The following DNAH14 variants were observed in gnomAD, a reference collection of about 807,000 sequenced individuals.
The protein encoded by DNAH14 is axonemal beta dynein heavy chain 14.
A neutral mutation model predicts 520.9 loss-of-function variants in DNAH14; 478 were observed. That is an observed-to-expected ratio of 0.92 (90% CI 0.85 to 0.99). The LOEUF (loss-of-function observed/expected upper bound fraction) is 0.99. Among genes scored for constraint, DNAH14 ranks in the 50% least tolerant of loss-of-function variants. The pLI is 0.00. For synonymous variants in DNAH14, 1,581 were observed against 1,757.2 expected (o/e 0.90, Z 2.51); for missense variants, 4,831 against 5,234.5 (o/e 0.92, Z 2.38).
chr1:225,051,332 TTAAAA>T (rs2068515846), intron 16 of DNAH14, 114 bp from the exon 17 acceptor site: 5 of 679,248 alleles, frequency 7.4e-6, no homozygotes, highest in Admixed American at 8.0e-5. Context: ...ATAGAGGTTC[TTAAAA>T]TAAACTCCAC....
intron 79 of DNAH14, among the ~76,000 whole-genome samples, chr1:225,377,729 A>G (rs2095719853): frequency 6.6e-6 from 1 of 152,206 alleles, no homozygotes; most frequent in Non-Finnish European, 1.5e-5. Context: ...ATGGTAAAGA[A>G]ACTAAATTCT....
At chr1:224,970,194 A>G (rs1275408933) in intron 7 of DNAH14, among the ~76,000 whole-genome samples, 1 of 151,988 alleles carries the variant, frequency 6.6e-6, no homozygotes, top group Non-Finnish European at 1.5e-5. Context: ...GGGCGGCTGT[A>G]TTTTATGGTC....
At chr1:224,953,276 C>A (rs1270211748) in intron 2 of DNAH14, among the ~76,000 whole-genome samples, 1 of 152,016 alleles carries the variant, frequency 6.6e-6, no homozygotes, top group Admixed American at 6.6e-5. Flanking sequence ...GTGCCCACTA[C>A]CACACCTGGC....
intron 41 of DNAH14, among the ~76,000 whole-genome samples, chr1:225,225,974 A>G (rs889898550): frequency 3.9e-5 from 6 of 152,328 alleles, no homozygotes; most frequent in Admixed American, 3.9e-4. Flanking sequence ...GATGCTGAAG[A>G]CAGCTCAGGA....
intron 10 of DNAH14, among the ~76,000 whole-genome samples, chr1:225,015,535 T>C (rs1297715537): frequency 6.6e-6 from 1 of 152,174 alleles, no homozygotes; most frequent in Non-Finnish European, 1.5e-5. Context: ...TTTAAGACTC[T>C]CCTGAGTATT....
At chr1:225,336,008 T>C (rs899251687) in intron 66 of DNAH14, among the ~76,000 whole-genome samples, 1 of 95,738 alleles carries the variant, frequency 1.0e-5, no homozygotes, top group Non-Finnish European at 2.4e-5. Context: ...CATATATGTA[T>C]ACGCATATAT....
rs570577401 is a variant in DNAH14 at position 225,045,913 on chromosome 1, A to G, written c.1912+1930A>G. ...ATTTTGCCCACTAATTCTAACATTTATCAGTGGATCTTACCTTGCCTGCAA... is the reference window on the plus strand; with the variant it reads ...ATTTTGCCCACTAATTCTAACATTTGTCAGTGGATCTTACCTTGCCTGCAA... On this transcript the variant is annotated intron_variant, in intron 15 of 85. Transcript: ENST00000682510. Among the ~76,000 whole-genome samples the G allele has an allele frequency of 3.9e-5, 6 of 152,214 alleles. No individual in the cohort carries two copies. In the South Asian group the frequency reaches 1.0e-3, roughly 26 times the overall value.
chr1:225,010,950 A>G (rs778108754), intron 10 of DNAH14, among the ~76,000 whole-genome samples: 60 of 150,368 alleles, frequency 4.0e-4, no homozygotes, highest in Non-Finnish European at 8.0e-4. Context: ...TCTCCCCTTC[A>G]TCATTTTTTA....
At chr1:225,177,202 CT>C (rs1351641994) in intron 36 of DNAH14, among the ~76,000 whole-genome samples, 1 of 152,168 alleles carries the variant, frequency 6.6e-6, no homozygotes, top group Admixed American at 6.5e-5. Context: ...CATTTTGCCC[CT>C]GCCCTAGAGA....
intron 23 of DNAH14, among the ~76,000 whole-genome samples, chr1:225,109,889 A>G (rs771522126): frequency 2.0e-5 from 3 of 151,782 alleles, no homozygotes; most frequent in African/African-American, 7.2e-5. Flanking sequence ...TGTTTCTTCT[A>G]TATTCAGTGT....
At chr1:225,260,439 G>A (rs1273892733) in intron 46 of DNAH14, among the ~76,000 whole-genome samples, 2 of 152,146 alleles carry the variant, frequency 1.3e-5, no homozygotes, top group African/African-American at 4.8e-5. Context: ...AATGAACACA[G>A]GAGTGCAGAA....
intron 1 of DNAH14, among the ~76,000 whole-genome samples, chr1:224,944,293 T>C (rs946182927): frequency 3.3e-5 from 5 of 152,212 alleles, no homozygotes; most frequent in Admixed American, 2.6e-4. Context: ...TTAAAGTCTA[T>C]TTTATCTGAG....
intron 1 of DNAH14, among the ~76,000 whole-genome samples, chr1:224,941,726 T>G (rs2059431989): frequency 6.6e-6 from 1 of 152,230 alleles, no homozygotes; most frequent in Non-Finnish European, 1.5e-5. Context: ...TTTCTACATA[T>G]GGCTAGCCAG....
chr1:225,342,185 A>T (rs74551602), intron 69 of DNAH14, among the ~76,000 whole-genome samples: 1 of 152,184 alleles, frequency 6.6e-6, no homozygotes, highest in African/African-American at 2.4e-5. Flanking sequence ...TAGTTTTTTT[A>T]AAAAGGCAAA....
rs939059557 is a variant in DNAH14 at position 225,002,719 on chromosome 1, C to G, written c.831-64C>G. The G allele has an allele frequency of 8.0e-5, 114 of 1,430,448 alleles. No individual in the cohort carries two copies. In the African/African-American group the frequency reaches 1.4e-3, roughly 17 times the overall value. 88.6% of individuals were successfully genotyped at this position (1,430,448 alleles called of 1,614,324 possible). A position where few individuals can be genotyped will look rare whatever the true frequency, so the allele number is the denominator to read the frequency against. ...GATATTAACTAAACCACACTACTTACCTCTAAATTAATTTTATTCATTTTG... is the reference window on the plus strand; with the variant it reads ...GATATTAACTAAACCACACTACTTAGCTCTAAATTAATTTTATTCATTTTG... On this transcript the variant is annotated intron_variant, in intron 8 of 85. Coordinates refer to ENST00000682510, the MANE Select transcript of DNAH14 (RefSeq NM_001367479.1).
chr1:225,367,230 C>G (rs934942124), intron 76 of DNAH14, among the ~76,000 whole-genome samples: 1 of 152,170 alleles, frequency 6.6e-6, no homozygotes, highest in African/African-American at 2.4e-5. Flanking sequence ...TCCCTCCCCA[C>G]CTCACCCTCA....
At chr1:225,039,114 A>G (rs2067221360) in intron 12 of DNAH14, among the ~76,000 whole-genome samples, 1 of 152,098 alleles carries the variant, frequency 6.6e-6, no homozygotes, top group South Asian at 2.1e-4. Context: ...AAATTCTCTG[A>G]CCTCTTGGAG....
At chr1:225,385,743 T>C (rs565211294) in intron 81 of DNAH14, among the ~76,000 whole-genome samples, 3 of 152,312 alleles carry the variant, frequency 2.0e-5, no homozygotes, top group Admixed American at 6.5e-5. Flanking sequence ...CACAAACAAA[T>C]GCAGGAACAT....
chr1:225,240,081 G>A (rs754972868), intron 42 of DNAH14, among the ~76,000 whole-genome samples: 10 of 152,074 alleles, frequency 6.6e-5, no homozygotes, highest in Non-Finnish European at 1.0e-4. Flanking sequence ...CAACCTCTAC[G>A]ACTTGGTTGA....
Sources: allele counts gnomAD v4.1 joint callset (sites outside exome capture counted in the v4.1 genomes callset), GRCh38; gene constraint gnomAD v4.1.1; transcripts MANE v1.5; gene names NCBI Gene and HGNC (gene_info 2026-07-23, HGNC 2026-07-21).